Variants in ZMAT3 observed in about 807,000 individuals in gnomAD.
The protein encoded by ZMAT3 is zinc finger matrin-type protein 3.
In ZMAT3, 17 loss-of-function variants were observed where a neutral mutation model predicts 32.3. That is an observed-to-expected ratio of 0.53 (90% CI 0.36 to 0.79). The LOEUF (loss-of-function observed/expected upper bound fraction) is 0.79. Among genes scored for constraint, ZMAT3 ranks in the 30% least tolerant of loss-of-function variants. The pLI is 0.00. For missense variants in ZMAT3, 329 were observed against 359.7 expected (o/e 0.91, Z 0.69); for synonymous variants, 120 against 133.1 (o/e 0.90, Z 0.68).
At chr3:179,047,361 T>A (rs909612681) in intron 2 of ZMAT3, among the ~76,000 whole-genome samples, 1 of 152,192 alleles carries the variant, frequency 6.6e-6, no homozygotes, top group African/African-American at 2.4e-5. Flanking sequence ...AAGAGCAGCC[T>A]CTGAGTCCCA....
intron 2 of ZMAT3, among the ~76,000 whole-genome samples, chr3:179,066,574 T>C (rs547550395): frequency 6.6e-6 from 1 of 152,290 alleles, no homozygotes; most frequent in African/African-American, 2.4e-5. Context: ...CTCTTATTAC[T>C]AGAGATTTTC....
chr3:179,048,877 A>G (rs890158402), intron 2 of ZMAT3, among the ~76,000 whole-genome samples: 1 of 152,170 alleles, frequency 6.6e-6, no homozygotes, highest in Non-Finnish European at 1.5e-5. Flanking sequence ...AATATTCCAA[A>G]TGGCAAAACG....
chr3:179,033,087 C>A (rs1719376682), intron 2 of ZMAT3, among the ~76,000 whole-genome samples: 1 of 152,228 alleles, frequency 6.6e-6, no homozygotes, highest in South Asian at 2.1e-4. Context: ...CAGATTGTTA[C>A]TGTGTCTGTG....
At position 179,018,026 on chromosome 3, in the gene ZMAT3, A is replaced by G. The variant is rs1232652587; in HGVS notation, c.*6991T>C. 6.6e-6 allele frequency: 1 copy of G among 152,194 alleles called. No individual in the cohort carries two copies. The highest frequency in any genetic ancestry group is 1.5e-5 in the Non-Finnish European group (1 of 68,040). The allele number at this position is 152,194 out of a possible 1,614,324, so 9.4% of individuals were successfully genotyped here. The stretch of plus-strand genomic sequence containing the variant: ...TGACACACGATTTACAAAACCCCAG[A>G]AAGGTACTCAGGTACCAAAAGAGGG... On this transcript the variant is annotated 3_prime_UTR_variant, in exon 6 of 6. Transcript: ENST00000311417.
At chr3:179,070,523 G>A (rs1024473295) in intron 1 of ZMAT3, among the ~76,000 whole-genome samples, 4 of 152,072 alleles carry the variant, frequency 2.6e-5, no homozygotes, top group Non-Finnish European at 5.9e-5. Context: ...TAGTACATTT[G>A]CAAACAAAAA....
rs185244171 is a variant in ZMAT3 at position 179,018,157 on chromosome 3, C to T, written c.*6860G>A. On this transcript the variant is annotated 3_prime_UTR_variant, in exon 6 of 6. Coordinates refer to ENST00000311417, the MANE Select transcript of ZMAT3 (RefSeq NM_022470.4). ...TGCGCTTTGCCCTAGGATAATATCA[C>T]TCATTCTGACATGTGGAGTTACTCT... 1 of 152,178 alleles carries T rather than the reference C, an allele frequency of 6.6e-6. No homozygotes were observed. Among genetic ancestry groups the T allele is most frequent in the Non-Finnish European group, 1.5e-5 (1 of 67,998 alleles). The allele number at this position is 152,178 out of a possible 1,614,324, so 9.4% of individuals were successfully genotyped here.
At chr3:179,025,266 C>T in intron 5 of ZMAT3, 38 bp from the exon 6 acceptor site, 1 of 1,494,650 alleles carries the variant, frequency 6.7e-7, no homozygotes, top group Non-Finnish European at 9.1e-7. Context: ...TCAAAATATT[C>T]ATTAAGTGAA....
chr3:179,041,900 G>T (rs1719954537), intron 2 of ZMAT3, among the ~76,000 whole-genome samples: 1 of 152,000 alleles, frequency 6.6e-6, no homozygotes, highest in African/African-American at 2.4e-5. Context: ...TGATAAAGGG[G>T]ATGTCACCAC....
At chr3:179,032,234 C>T (rs1719287344) in intron 2 of ZMAT3, among the ~76,000 whole-genome samples, 1 of 151,818 alleles carries the variant, frequency 6.6e-6, no homozygotes, top group African/African-American at 2.4e-5. Flanking sequence ...CAGCTCCTGA[C>T]CGCGAGTGAT....
intron 2 of ZMAT3, among the ~76,000 whole-genome samples, chr3:179,060,463 G>A (rs1721098192): frequency 6.6e-6 from 1 of 151,870 alleles, no homozygotes; most frequent in South Asian, 2.1e-4. Context: ...GCAACGTGGT[G>A]AAACCCTGCC....
intron 1 of ZMAT3, among the ~76,000 whole-genome samples, chr3:179,070,904 CTT>C (rs530998169): frequency 2.0e-4 from 30 of 152,088 alleles, no homozygotes; most frequent in Non-Finnish European, 3.8e-4. Context: ...AAGACAATCT[CTT>C]GTCTCATTTG....
chr3:179,067,636 A>C lies in ZMAT3; in HGVS notation c.117T>G (p.Phe39Leu). 1.2e-6 allele frequency: 2 copies of C among 1,614,166 alleles called. No individual in the cohort carries two copies. Among genetic ancestry groups the C allele is most frequent in the Non-Finnish European group, 1.7e-6 (2 of 1,180,030 alleles). Residue 39 changes from phenylalanine (F) to leucine (L), a missense_variant, in exon 2 of 6, where the codon TTT becomes TTG. Coordinates refer to ENST00000311417, the MANE Select transcript of ZMAT3 (RefSeq NM_022470.4). ...CAAGAGGCAAGGAAGCCTCCTGCCC[A>C]AAAGGCTTCTGTGGTGGAAGCTGCA... ...GTLQLPPQKP[F>L]GQEASLPLAG...
chr3:179,048,022 G>A (rs1173965439), intron 2 of ZMAT3, among the ~76,000 whole-genome samples: 1 of 152,194 alleles, frequency 6.6e-6, no homozygotes, highest in Non-Finnish European at 1.5e-5. Flanking sequence ...AAAATGCACT[G>A]AAAAGTCTCA....
chr3:179,058,508 G>A (rs964655550), intron 2 of ZMAT3, among the ~76,000 whole-genome samples: 1 of 152,218 alleles, frequency 6.6e-6, no homozygotes, highest in Non-Finnish European at 1.5e-5. Context: ...TGTAATCCCA[G>A]CACTTTGGGA....
At chr3:179,043,341 T>C (rs962789992) in intron 2 of ZMAT3, among the ~76,000 whole-genome samples, 8 of 152,158 alleles carry the variant, frequency 5.3e-5, no homozygotes, top group Non-Finnish European at 1.0e-4. Context: ...AAGCCTACAG[T>C]AACCAAAACA....
intron 4 of ZMAT3, 40 bp from the exon 5 acceptor site, chr3:179,027,563 C>T: frequency 6.2e-7 from 1 of 1,613,892 alleles, no homozygotes; most frequent in South Asian, 1.1e-5. Context: ...GTCTTCTAAA[C>T]AAGAATCCCT....
chr3:179,055,484 C>T (rs772370333), intron 2 of ZMAT3, among the ~76,000 whole-genome samples: 3 of 150,910 alleles, frequency 2.0e-5, no homozygotes, highest in East Asian at 2.0e-4. Flanking sequence ...GTCCCCTCCC[C>T]GACTCCTTCC....
chr3:179,043,182 C>T (rs1240679273), intron 2 of ZMAT3, among the ~76,000 whole-genome samples: 1 of 152,180 alleles, frequency 6.6e-6, no homozygotes, highest in Non-Finnish European at 1.5e-5. Context: ...CCATCCCCAT[C>T]AAGCTACCAA....
intron 1 of ZMAT3, among the ~76,000 whole-genome samples, chr3:179,068,411 C>T (rs1448223547): frequency 6.6e-6 from 1 of 151,990 alleles, no homozygotes; most frequent in African/African-American, 2.4e-5. Context: ...ACTCAGGAGG[C>T]TGAGGCAGGA....
Sources: gnomAD v4.1 joint callset for allele counts (sites outside exome capture counted in the v4.1 genomes callset) on GRCh38, gnomAD v4.1.1 for gene constraint, MANE v1.5 for transcripts, NCBI Gene and HGNC (gene_info 2026-07-23, HGNC 2026-07-21) for gene names.